NCOA6: variants seen among roughly 807,000 people sequenced by gnomAD.
NCOA6 encodes the protein nuclear receptor coactivator 6.
In NCOA6, 49 loss-of-function variants were observed where a neutral mutation model predicts 171.4. The observed-to-expected ratio is 0.29, with a 90% CI of 0.23 to 0.36. The LOEUF is 0.36. Among genes scored for constraint, NCOA6 ranks in the 10% least tolerant of loss-of-function variants. The probability of loss-of-function intolerance (pLI) is 1.00; values close to 1 mark genes in which losing one functional copy is unlikely to be tolerated. For missense variants in NCOA6, 2,248 were observed against 2,554.5 expected (o/e 0.88, Z 2.59); for synonymous variants, 910 against 927.5 (o/e 0.98, Z 0.34).
chr20:34,815,936 T>A (rs962294502), intron 1 of NCOA6, among the ~76,000 whole-genome samples: 1 of 152,174 alleles, frequency 6.6e-6, no homozygotes, highest in Non-Finnish European at 1.5e-5. Flanking sequence ...GAATCAATTA[T>A]CTACCATTTC....
At chr20:34,765,423 G>C (rs563016902) in intron 5 of NCOA6, among the ~76,000 whole-genome samples, 1 of 141,120 alleles carries the variant, frequency 7.1e-6, no homozygotes, top group East Asian at 2.1e-4. Context: ...CTAGGCGACA[G>C]AGCGAGAGTC....
chr20:34,723,925 C>T (rs900855126), intron 14 of NCOA6, among the ~76,000 whole-genome samples: 2 of 152,254 alleles, frequency 1.3e-5, no homozygotes, highest in African/African-American at 2.4e-5. Flanking sequence ...ACCTTTTCCC[C>T]GCTTTAAAGG....
chr20:34,815,440 G>A (rs2078805014), intron 1 of NCOA6, among the ~76,000 whole-genome samples: 1 of 152,026 alleles, frequency 6.6e-6, no homozygotes. Flanking sequence ...AGCCTGGACA[G>A]TACCCAGTCT....
At chr20:34,817,514 T>A (rs1165323133) in intron 1 of NCOA6, among the ~76,000 whole-genome samples, 1 of 152,148 alleles carries the variant, frequency 6.6e-6, no homozygotes, top group African/African-American at 2.4e-5. Flanking sequence ...CCTCCTTCCA[T>A]CAAAGCCATA....
chr20:34,767,076 A>T (rs2077002697), intron 5 of NCOA6, among the ~76,000 whole-genome samples: 1 of 152,166 alleles, frequency 6.6e-6, no homozygotes, highest in Non-Finnish European at 1.5e-5. Context: ...CCTAAGTCCT[A>T]ACAAGAACTT....
intron 3 of NCOA6, chr20:34,776,660 T>G (rs1217972408): frequency 1.5e-6 from 1 of 673,078 alleles, no homozygotes; most frequent in East Asian, 2.9e-5. Flanking sequence ...TTAACCTTTC[T>G]GAAACTTATC....
At chr20:34,768,736 G>C in intron 4 of NCOA6, 150 bp from the exon 5 acceptor site, 2 of 824,592 alleles carry the variant, frequency 2.4e-6, no homozygotes, top group Non-Finnish European at 3.7e-6. Flanking sequence ...AATGTAGATG[G>C]GTCTTTCTTC....
intron 5 of NCOA6, among the ~76,000 whole-genome samples, chr20:34,764,009 A>AT (rs11471838): frequency 0.75 from 80,763 of 107,180 alleles, 31,516 homozygotes; most frequent in Admixed American, 0.84. Context: ...CACCTTTGAC[A>AT]TTTTTTTTTT....
chr20:34,806,047 A>G (rs1225140127), intron 1 of NCOA6, among the ~76,000 whole-genome samples: 1 of 152,204 alleles, frequency 6.6e-6, no homozygotes, highest in Non-Finnish European at 1.5e-5. Context: ...ACTAATTTAC[A>G]TTCCAATCAA....
At chr20:34,824,479 C>G (rs2146828480) in intron 1 of NCOA6, among the ~76,000 whole-genome samples, 1 of 152,348 alleles carries the variant, frequency 6.6e-6, no homozygotes, top group Middle Eastern at 3.4e-3. Flanking sequence ...TAACGCCTTT[C>G]TGATGACCTC....
chr20:34,739,764 G>A (rs1306269477), intron 11 of NCOA6, among the ~76,000 whole-genome samples: 1 of 152,194 alleles, frequency 6.6e-6, no homozygotes, highest in Non-Finnish European at 1.5e-5. Context: ...TAAAGATGAT[G>A]CAAGACAACA....
rs2076417428 is a variant in NCOA6, at chr20:34,749,922, A to C, written c.2273T>G (p.Phe758Cys). ...CATCTGTCCTGACATCTGTCCCGTA[A>C]ACTGCACCATATTTCCTTGCATGTT... is the stretch of plus-strand genomic sequence containing the variant. ...TPNMQGNMVQ[F>C]TGQMSGQMLP... Residue 758 changes from phenylalanine (F) to cysteine (C), a missense_variant, in exon 9 of 15, where the codon TTT becomes TGT. Transcript: ENST00000359003. The C allele has an allele frequency of 3.1e-6, 5 of 1,614,038 alleles. No homozygotes were observed. Among genetic ancestry groups the C allele is most frequent in the Non-Finnish European group, 4.2e-6 (5 of 1,180,032 alleles).
chr20:34,752,212 C>A (rs1337965881), intron 8 of NCOA6, among the ~76,000 whole-genome samples: 1 of 152,146 alleles, frequency 6.6e-6, no homozygotes, highest in East Asian at 1.9e-4. Flanking sequence ...AGTTATGAAG[C>A]CAGTCCATGC....
chr20:34,786,661 G>C (rs1313069427), intron 2 of NCOA6, among the ~76,000 whole-genome samples: 1 of 152,124 alleles, frequency 6.6e-6, no homozygotes, highest in Non-Finnish European at 1.5e-5. Flanking sequence ...GGTTATGAGT[G>C]AACTTCTTAA....
intron 14 of NCOA6, among the ~76,000 whole-genome samples, chr20:34,719,242 T>C (rs1216560582): frequency 6.6e-6 from 1 of 152,188 alleles, no homozygotes; most frequent in Non-Finnish European, 1.5e-5. Flanking sequence ...ACCTCTACCA[T>C]CCAAGGAGCT....
At chr20:34,821,222 T>G (rs1398968615) in intron 1 of NCOA6, 1 of 152,182 alleles carries the variant, frequency 6.6e-6, no homozygotes, top group East Asian at 1.9e-4. Flanking sequence ...ACACAACACA[T>G]CTCTGTCACG....
In NCOA6 at chr20:34,746,671, T is replaced by C. The variant is rs2076311715; in HGVS notation, c.2914+136A>G. On this transcript the variant is annotated intron_variant, in intron 10 of 14. Coordinates refer to ENST00000359003, the MANE Select transcript of NCOA6 (RefSeq NM_014071.5). ...TTAATATCAAGGCAAAGCTTCCAAATACCAGACACATTAAATCACTGAAGT... is the reference window on the plus strand; with the variant it reads ...TTAATATCAAGGCAAAGCTTCCAAACACCAGACACATTAAATCACTGAAGT... The C allele has an allele frequency of 4.7e-6, 5 of 1,062,816 alleles. No homozygotes were observed. In the South Asian group the frequency reaches 1.2e-4, roughly 25 times the overall value. 65.8% of individuals were successfully genotyped at this position (1,062,816 alleles called of 1,614,324 possible). A position where few individuals can be genotyped will look rare whatever the true frequency, so the allele number is the denominator to read the frequency against.
At chr20:34,796,861 G>A (rs2078093699) in intron 1 of NCOA6, among the ~76,000 whole-genome samples, 1 of 151,786 alleles carries the variant, frequency 6.6e-6, no homozygotes. Flanking sequence ...GACCATAAAG[G>A]TCCATGGGAG....
intron 1 of NCOA6, among the ~76,000 whole-genome samples, chr20:34,795,582 CA>C (rs1333402755): frequency 2.0e-5 from 3 of 152,096 alleles, no homozygotes; most frequent in Non-Finnish European, 4.4e-5. Context: ...CTGGTCTCTT[CA>C]AAAAGCCAAA....
Sources: allele counts gnomAD v4.1 joint callset (sites outside exome capture counted in the v4.1 genomes callset), GRCh38; gene constraint gnomAD v4.1.1; transcripts MANE v1.5; gene names NCBI Gene and HGNC (gene_info 2026-07-23, HGNC 2026-07-21).